The following COP1 variants were observed in gnomAD, a reference collection of about 807,000 sequenced individuals.
COP1 encodes the protein COP1 E3 ubiquitin ligase, also known as E3 ubiquitin-protein ligase COP1.
Under a neutral mutation model 101.3 loss-of-function variants are expected in COP1, and 24 were observed. The ratio of observed to expected loss-of-function variants is 0.24; its 90% CI spans 0.17 to 0.33. The LOEUF is 0.33. Ranked by LOEUF, COP1 falls within the 10% of genes least tolerant of loss-of-function variation. The pLI is 1.00. For synonymous variants in COP1, 347 were observed against 341.9 expected (o/e 1.01, Z -0.17); for missense variants, 663 against 906.2 (o/e 0.73, Z 3.45).
At chr1:176,054,650 G>T (rs535183888) in intron 11 of COP1, among the ~76,000 whole-genome samples, 1 of 152,124 alleles carries the variant, frequency 6.6e-6, no homozygotes, top group South Asian at 2.1e-4. Flanking sequence ...TACTTGTGCG[G>T]TAAGTCCCAT....
intron 8 of COP1, among the ~76,000 whole-genome samples, chr1:176,127,729 T>C (rs563591905): frequency 6.6e-6 from 1 of 152,280 alleles, no homozygotes; most frequent in Admixed American, 6.5e-5. Context: ...ACTTTTTTCA[T>C]AGTGATTTTA....
At chr1:176,088,253 TA>T (rs60951470) in intron 9 of COP1, among the ~76,000 whole-genome samples, 112,319 of 149,592 alleles carry the variant, frequency 0.75, 43,891 homozygotes, top group East Asian at 0.92. Flanking sequence ...TAAAGTATCA[TA>T]AAAAAAAAAA....
intron 9 of COP1, among the ~76,000 whole-genome samples, chr1:176,106,459 A>C (rs1684324431): frequency 6.6e-6 from 1 of 152,218 alleles, no homozygotes; most frequent in Admixed American, 6.5e-5. Flanking sequence ...TAAGTTTATA[A>C]GTTAGGCAGC....
intron 18 of COP1, among the ~76,000 whole-genome samples, chr1:175,979,321 A>G (rs72713263): frequency 0.032 from 4,942 of 152,190 alleles, 149 homozygotes; most frequent in Non-Finnish European, 0.045. Flanking sequence ...TTTATTATAG[A>G]CATCTTTTAT....
chr1:175,975,937 G>C (rs1654416252), intron 18 of COP1, among the ~76,000 whole-genome samples: 1 of 152,192 alleles, frequency 6.6e-6, no homozygotes, highest in African/African-American at 2.4e-5. Context: ...AGTAAGAACA[G>C]TGAGATCTCC....
At chr1:176,096,450 G>A (rs1038767753) in intron 9 of COP1, among the ~76,000 whole-genome samples, 3 of 152,172 alleles carry the variant, frequency 2.0e-5, no homozygotes, top group Non-Finnish European at 4.4e-5. Context: ...AGTGTCCAAC[G>A]ACCACACAGG....
chr1:176,204,446 C>CG (rs371124616), intron 1 of COP1, among the ~76,000 whole-genome samples: 32 of 151,384 alleles, frequency 2.1e-4, no homozygotes, highest in Non-Finnish European at 3.4e-4. Context: ...CACAGCCAAA[C>CG]GGGGGGAAAA....
chr1:176,158,548 A>C (rs1693815346), intron 5 of COP1, among the ~76,000 whole-genome samples: 1 of 152,060 alleles, frequency 6.6e-6, no homozygotes, highest in Non-Finnish European at 1.5e-5. Flanking sequence ...GGAATATATA[A>C]CACATTTAGA....
intron 14 of COP1, among the ~76,000 whole-genome samples, chr1:176,034,636 G>C (rs560339144): frequency 1.2e-4 from 19 of 152,306 alleles, no homozygotes; most frequent in African/African-American, 4.3e-4. Context: ...AACCTGGAAA[G>C]AAAGTAATGG....
At chr1:176,136,591 AAGCCAAACC>A in intron 6 of COP1, 44 bp from the exon 7 acceptor site, 3 of 1,330,232 alleles carry the variant, frequency 2.3e-6, no homozygotes, top group Non-Finnish European at 3.1e-6. Context: ...AAAAAAGCCT[AAGCCAAACC>A]AAAATGGCAT....
chr1:176,116,663 T>C lies in COP1; in HGVS notation c.987A>G (p.Thr329=). The change falls in exon 9 of 20, where the codon ACA becomes ACG. Residue 329 remains threonine, a synonymous_variant. Transcript: ENST00000367669. ...TGAAACCTGGAGGTTGGCTGTATTC[T>C]GTGGAATCAATAATACTACTGCAAA... The part of the protein sequence containing the change: ...SPSHSSIIDS[T]EYSQPPGFSG... The C allele has an allele frequency of 6.2e-7, 1 of 1,611,132 alleles. No homozygotes were observed. The highest frequency in any genetic ancestry group is 8.5e-7 in the Non-Finnish European group (1 of 1,178,076).
chr1:176,091,801 A>T (rs1462295603), intron 9 of COP1, among the ~76,000 whole-genome samples: 1 of 152,196 alleles, frequency 6.6e-6, no homozygotes, highest in African/African-American at 2.4e-5. Context: ...GAATGAAATT[A>T]TATCAGTATT....
At chr1:176,062,080 ATC>A (rs1314669364) in intron 11 of COP1, among the ~76,000 whole-genome samples, 1 of 152,150 alleles carries the variant, frequency 6.6e-6, no homozygotes, top group Non-Finnish European at 1.5e-5. Flanking sequence ...GCTCACTGCA[ATC>A]TCTGCCTTTC....
At chr1:176,041,750 G>C (rs557299865) in intron 14 of COP1, among the ~76,000 whole-genome samples, 14 of 152,252 alleles carry the variant, frequency 9.2e-5, no homozygotes, top group African/African-American at 3.4e-4. Flanking sequence ...TAGATCACTG[G>C]AGGTCAGGAG....
chr1:176,135,165 C>T, intron 7 of COP1, 79 bp from the exon 8 acceptor site: 3 of 922,752 alleles, frequency 3.3e-6, no homozygotes, highest in Non-Finnish European at 5.0e-6. Flanking sequence ...TGATATATTC[C>T]TTTCTATTCC....
intron 1 of COP1, among the ~76,000 whole-genome samples, chr1:176,189,358 T>C (rs530949698): frequency 6.6e-6 from 1 of 152,208 alleles, no homozygotes; most frequent in East Asian, 1.9e-4. Context: ...CTTGCTTTCA[T>C]TGTTTCTAGG....
intron 15 of COP1, among the ~76,000 whole-genome samples, chr1:176,021,597 G>C (rs1444367625): frequency 6.6e-6 from 1 of 152,028 alleles, no homozygotes; most frequent in African/African-American, 2.4e-5. Flanking sequence ...AAACCATGTA[G>C]GCATGTAAAT....
rs139534629 is a variant in COP1 at position 176,026,079 on chromosome 1, A to G, written c.1729+1493T>C. Reference sequence around the variant, plus strand: ...ATCTTAAAGCTTACATGGAAAATTAAATGAGAAAAATAACTAAGAAATGTA... The same window carrying G: ...ATCTTAAAGCTTACATGGAAAATTAGATGAGAAAAATAACTAAGAAATGTA... On this transcript the variant is annotated intron_variant, in intron 15 of 19. Transcript: ENST00000367669. 2.1e-3 allele frequency among the ~76,000 whole-genome samples: 319 copies of G among 152,228 alleles called. 1 individual carries two copies. Among genetic ancestry groups the G allele is most frequent in the African/African-American group, 7.3e-3 (304 of 41,570 alleles).
At chr1:176,183,983 T>C (rs561586413) in intron 2 of COP1, among the ~76,000 whole-genome samples, 130 of 152,168 alleles carry the variant, frequency 8.5e-4, no homozygotes, top group African/African-American at 3.1e-3. Context: ...GTTTCAGTTT[T>C]GCACAAAAAG....
Sources: allele counts gnomAD v4.1 joint callset (sites outside exome capture counted in the v4.1 genomes callset), GRCh38; gene constraint gnomAD v4.1.1; transcripts MANE v1.5; gene names NCBI Gene and HGNC (gene_info 2026-07-23, HGNC 2026-07-21).